Variants in POU6F2 observed in about 807,000 individuals in gnomAD.
POU6F2 encodes POU domain, class 6, transcription factor 2.
Under a neutral mutation model 71.3 loss-of-function variants are expected in POU6F2, and 31 were observed. The observed-to-expected ratio is 0.43, with a 90% CI of 0.33 to 0.59. The LOEUF (loss-of-function observed/expected upper bound fraction) is 0.59. Among genes scored for constraint, POU6F2 ranks in the 20% least tolerant of loss-of-function variants. The pLI, the probability that POU6F2 is intolerant of heterozygous loss-of-function variation, is 0.04. For synonymous variants in POU6F2, 347 were observed against 355.7 expected (o/e 0.98, Z 0.27); for missense variants, 783 against 856.8 (o/e 0.91, Z 1.07).
At chr7:39,352,999 A>G (rs1279824341) in intron 5 of POU6F2, among the ~76,000 whole-genome samples, 2 of 152,202 alleles carry the variant, frequency 1.3e-5, no homozygotes, top group Non-Finnish European at 2.9e-5. Context: ...AAGTGAGAAC[A>G]TGGAATATAA....
chr7:39,158,215 G>T (rs1792914647), intron 2 of POU6F2, among the ~76,000 whole-genome samples: 1 of 152,118 alleles, frequency 6.6e-6, no homozygotes, highest in African/African-American at 2.4e-5. Context: ...ATAATTATTA[G>T]TAATTTTTTA....
At chr7:39,331,188 C>T (rs1270590043) in intron 4 of POU6F2, among the ~76,000 whole-genome samples, 1 of 152,198 alleles carries the variant, frequency 6.6e-6, no homozygotes, top group Non-Finnish European at 1.5e-5. Flanking sequence ...TTGCTGGACA[C>T]TTAGGTTGAT....
chr7:39,274,363 C>T (rs1010037540), intron 4 of POU6F2, among the ~76,000 whole-genome samples: 3 of 151,428 alleles, frequency 2.0e-5, no homozygotes, highest in Admixed American at 6.6e-5. Context: ...GAAGTTGAAT[C>T]TCTGAATAGA....
intron 2 of POU6F2, among the ~76,000 whole-genome samples, chr7:39,194,441 G>C (rs1294580304): frequency 6.6e-6 from 1 of 152,224 alleles, no homozygotes; most frequent in African/African-American, 2.4e-5. Flanking sequence ...TTTCTGTCTA[G>C]CTAAAGGATT....
intron 2 of POU6F2, among the ~76,000 whole-genome samples, chr7:39,104,406 A>G (rs1791634166): frequency 6.6e-6 from 1 of 152,196 alleles, no homozygotes; most frequent in Admixed American, 6.5e-5. Flanking sequence ...TCTTGTTCTC[A>G]CACGAGTCTT....
At chr7:39,253,913 ACTTTAT>A (rs1176058845) in intron 4 of POU6F2, among the ~76,000 whole-genome samples, 1 of 152,156 alleles carries the variant, frequency 6.6e-6, no homozygotes, top group African/African-American at 2.4e-5. Context: ...TCTGGGCTAA[ACTTTAT>A]CTTGCCTAGA....
chr7:39,184,597 C>T (rs533609409), intron 2 of POU6F2, among the ~76,000 whole-genome samples: 3 of 152,180 alleles, frequency 2.0e-5, no homozygotes, highest in Admixed American at 6.5e-5. Flanking sequence ...AGCAACTGTG[C>T]GGCAAGGCAA....
intron 4 of POU6F2, among the ~76,000 whole-genome samples, chr7:39,244,477 G>A (rs1783786709): frequency 1.3e-5 from 2 of 152,170 alleles, no homozygotes; most frequent in Non-Finnish European, 2.9e-5. Flanking sequence ...TATGTTTAGA[G>A]TCATTGTGGG....
intron 4 of POU6F2, among the ~76,000 whole-genome samples, chr7:39,284,410 T>C (rs1359667886): frequency 5.3e-5 from 8 of 152,242 alleles, no homozygotes; most frequent in Admixed American, 4.6e-4. Flanking sequence ...AAAAGGCTGC[T>C]GTTCTTACAT....
At position 39,297,001 on chromosome 7, in the gene POU6F2, A is replaced by G. The variant is rs919634159; in HGVS notation, c.599-42641A>G. On this transcript the variant is annotated intron_variant, in intron 4 of 9. Coordinates refer to ENST00000518318, the MANE Select transcript of POU6F2 (RefSeq NM_001370959.1). The stretch of plus-strand genomic sequence containing the variant: ...TATCAGAACAATATGTACAGCCCGG[A>G]GAGCTTTTAATTCTAAAATATATTT... Among the ~76,000 whole-genome samples, 3 of 152,192 alleles carry G rather than the reference A, an allele frequency of 2.0e-5. No individual in the cohort carries two copies. The East Asian group carries it at 5.8e-4, about 29-fold the overall frequency.
At chr7:39,357,395 A>T (rs768928058) in intron 5 of POU6F2, among the ~76,000 whole-genome samples, 4 of 152,192 alleles carry the variant, frequency 2.6e-5, no homozygotes, top group Admixed American at 6.5e-5. Context: ...GAAAGCGAGG[A>T]AACTAGGGTT....
rs546093059 is a variant in POU6F2 at position 38,999,163 on chromosome 7, C to T, written c.105+21105C>T. 1.2e-4 allele frequency among the ~76,000 whole-genome samples: 18 copies of T among 152,228 alleles called. No homozygotes were observed. In the East Asian group the frequency reaches 3.5e-3, roughly 29 times the overall value. On this transcript the variant is annotated intron_variant, in intron 1 of 9. Coordinates refer to ENST00000518318, the MANE Select transcript of POU6F2 (RefSeq NM_001370959.1). The stretch of plus-strand genomic sequence containing the variant: ...CATCTCCCCTATACAGGCTTCTTTA[C>T]ATGACATTTGAAAAATGTGGAATAT...
At chr7:39,202,855 A>G (rs891563610) in intron 2 of POU6F2, among the ~76,000 whole-genome samples, 2 of 152,238 alleles carry the variant, frequency 1.3e-5, no homozygotes, top group African/African-American at 4.8e-5. Context: ...CTGTGTTTTT[A>G]TTAGTTTGTT....
rs185024134 is a variant in POU6F2 at position 39,422,267 on chromosome 7, T to C, written c.1114-10810T>C. Reference sequence around the variant, plus strand: ...AAAACGTAAAACCACTAAGAAGAATTGGAAATTGAAGCATTAGATCATATT... The same window carrying C: ...AAAACGTAAAACCACTAAGAAGAATCGGAAATTGAAGCATTAGATCATATT... On this transcript the variant is annotated intron_variant, in intron 6 of 9. Coordinates refer to ENST00000518318, the MANE Select transcript of POU6F2 (RefSeq NM_001370959.1). 2.0e-3 allele frequency among the ~76,000 whole-genome samples: 297 copies of C among 152,302 alleles called. 2 individuals are homozygous for C. Among genetic ancestry groups the C allele is most frequent in the Admixed American group, 0.018 (272 of 15,292 alleles).
At chr7:39,336,124 A>G (rs10265404) in intron 4 of POU6F2, among the ~76,000 whole-genome samples, 27,473 of 152,258 alleles carry the variant, frequency 0.18, 2,983 homozygotes, top group East Asian at 0.58. Flanking sequence ...TACAATACAC[A>G]TAACATACAA....
chr7:39,388,060 G>A (rs1031010765), intron 5 of POU6F2, among the ~76,000 whole-genome samples: 2 of 152,242 alleles, frequency 1.3e-5, no homozygotes, highest in Non-Finnish European at 1.5e-5. Context: ...CAAAGAAGGA[G>A]CAGAGTAAAT....
chr7:39,375,548 G>C (rs1205191457), intron 5 of POU6F2, among the ~76,000 whole-genome samples: 1 of 151,450 alleles, frequency 6.6e-6, no homozygotes, highest in African/African-American at 2.4e-5. Context: ...CTTCTTCCTG[G>C]CTTACTGCTC....
rs1277686953 is a variant in POU6F2 at position 39,160,365 on chromosome 7, T to G, written c.278-43870T>G. On this transcript the variant is annotated intron_variant, in intron 2 of 9. Transcript: ENST00000518318. Reference sequence around the variant, plus strand: ...CAAGAAGGGTCCCTCCAGTCCGTCTTGTACTTTTCCGTCCCACAGACACTC... The same window carrying G: ...CAAGAAGGGTCCCTCCAGTCCGTCTGGTACTTTTCCGTCCCACAGACACTC... 1.1e-4 allele frequency among the ~76,000 whole-genome samples: 17 copies of G among 152,138 alleles called. 1 individual carries two copies. Among genetic ancestry groups the G allele is most frequent in the Admixed American group, 1.1e-3 (17 of 15,280 alleles).
chr7:39,388,396 A>G (rs1583567256), intron 5 of POU6F2, among the ~76,000 whole-genome samples: 1 of 152,134 alleles, frequency 6.6e-6, no homozygotes, highest in Admixed American at 6.6e-5. Flanking sequence ...GCTCACTGCA[A>G]CCTTTGCCTC....
Sources: allele counts gnomAD v4.1 joint callset (sites outside exome capture counted in the v4.1 genomes callset), GRCh38; gene constraint gnomAD v4.1.1; transcripts MANE v1.5; gene names NCBI Gene and HGNC (gene_info 2026-07-23, HGNC 2026-07-21).